Variants in MCTP1 observed in about 807,000 individuals in gnomAD.
The protein encoded by MCTP1 is multiple C2 and transmembrane domain containing 1, also known as multiple C2 and transmembrane domain-containing protein 1.
A neutral mutation model predicts 120.6 loss-of-function variants in MCTP1; 69 were observed. That is an observed-to-expected ratio of 0.57 (90% CI 0.47 to 0.70). The LOEUF (loss-of-function observed/expected upper bound fraction) is 0.70. Ranked by LOEUF, MCTP1 falls within the 30% of genes least tolerant of loss-of-function variation. MCTP1 has a pLI of 0.00. For missense variants in MCTP1, 1,203 were observed against 1,248.8 expected (o/e 0.96, Z 0.55); for synonymous variants, 529 against 493.1 (o/e 1.07, Z -0.96).
chr5:95,280,507 G>C (rs1760228013), intron 1 of MCTP1, among the ~76,000 whole-genome samples: 1 of 152,048 alleles, frequency 6.6e-6, no homozygotes, highest in Non-Finnish European at 1.5e-5. Context: ...ACTCGTCAAG[G>C]CAGAATACAT....
intron 1 of MCTP1, among the ~76,000 whole-genome samples, chr5:95,184,242 A>G (rs773671349): frequency 2.7e-4 from 41 of 152,306 alleles, no homozygotes; most frequent in Non-Finnish European, 5.9e-4. Context: ...CAACTTCTAG[A>G]TATTTGCCCA....
At chr5:95,067,911 T>G (rs1257321531) in intron 1 of MCTP1, among the ~76,000 whole-genome samples, 1 of 152,148 alleles carries the variant, frequency 6.6e-6, no homozygotes, top group East Asian at 1.9e-4. Context: ...AACTGAAAAT[T>G]TGTACTTTTC....
chr5:95,183,390 T>C (rs1748835838), intron 1 of MCTP1, among the ~76,000 whole-genome samples: 1 of 151,206 alleles, frequency 6.6e-6, no homozygotes, highest in Non-Finnish European at 1.5e-5. Flanking sequence ...TAATTTAAAA[T>C]AAATATAATT....
intron 19 of MCTP1, among the ~76,000 whole-genome samples, chr5:94,772,212 T>C (rs1236476966): frequency 1.3e-5 from 2 of 152,174 alleles, no homozygotes; most frequent in African/African-American, 4.8e-5. Flanking sequence ...TTCTTGCCCT[T>C]GTAGACCGCC....
At chr5:95,069,861 G>T (rs1268157473) in intron 1 of MCTP1, among the ~76,000 whole-genome samples, 1 of 151,978 alleles carries the variant, frequency 6.6e-6, no homozygotes, top group African/African-American at 2.4e-5. Flanking sequence ...ACCACGCCCG[G>T]CTATTTTTTT....
At chr5:94,854,883 G>A (rs1405850793) in intron 17 of MCTP1, among the ~76,000 whole-genome samples, 3 of 151,796 alleles carry the variant, frequency 2.0e-5, no homozygotes, top group African/African-American at 4.8e-5. Context: ...AACATAGTCC[G>A]ACTAGGTCTA....
intron 19 of MCTP1, among the ~76,000 whole-genome samples, chr5:94,717,140 T>C (rs975621009): frequency 6.6e-6 from 1 of 152,138 alleles, no homozygotes; most frequent in African/African-American, 2.4e-5. Context: ...CCAAATACAT[T>C]CCATATTAAT....
chr5:95,085,798 TG>T lies in MCTP1; in HGVS notation c.721-68315del, dbSNP rs546422251. Among the ~76,000 whole-genome samples, 188 of 152,206 alleles carry T rather than the reference TG, an allele frequency of 1.2e-3. 2 individuals carry two copies. Among genetic ancestry groups the T allele is most frequent in the Admixed American group, 3.5e-3 (54 of 15,290 alleles). On this transcript the variant is annotated intron_variant, in intron 1 of 22. Coordinates refer to ENST00000515393, the MANE Select transcript of MCTP1 (RefSeq NM_024717.7). ...GAAATACCAAGAGTCTTGATCTTTT[TG>T]TTTTTTGTTTTTGATTGGTATGAAG...
At chr5:94,810,684 A>G (rs1202342457) in intron 17 of MCTP1, among the ~76,000 whole-genome samples, 1 of 152,190 alleles carries the variant, frequency 6.6e-6, no homozygotes, top group Non-Finnish European at 1.5e-5. Context: ...GCTGATGTGC[A>G]GAGTGTTGCA....
chr5:95,282,272 A>T (rs1760385665), intron 1 of MCTP1, among the ~76,000 whole-genome samples: 1 of 152,246 alleles, frequency 6.6e-6, no homozygotes, highest in South Asian at 2.1e-4. Flanking sequence ...AACATAAAAA[A>T]TTCAGAGTTA....
In MCTP1 at chr5:95,144,153, T is replaced by A. The variant is rs573043128; in HGVS notation, c.721-126669A>T. Among the ~76,000 whole-genome samples, 3 of 152,352 alleles carry A rather than the reference T, an allele frequency of 2.0e-5. No individual in the cohort carries two copies. The South Asian group carries it at 6.2e-4, about 32-fold the overall frequency. ...GTGGTTTTGATTTGCATTTCTCTAA[T>A]GATTAGTAATGTTAAGCACTTTTTC... is the stretch of plus-strand genomic sequence containing the variant. On this transcript the variant is annotated intron_variant, in intron 1 of 22. Coordinates refer to ENST00000515393, the MANE Select transcript of MCTP1 (RefSeq NM_024717.7).
chr5:94,912,278 AGCTGGG>A (rs1422367084), intron 9 of MCTP1, among the ~76,000 whole-genome samples: 1 of 151,758 alleles, frequency 6.6e-6, no homozygotes, highest in South Asian at 2.1e-4. Context: ...TACAAAAATT[AGCTGGG>A]CATGGTGGTA....
intron 1 of MCTP1, among the ~76,000 whole-genome samples, chr5:95,173,736 A>G (rs1429984247): frequency 2.6e-5 from 4 of 152,156 alleles, no homozygotes; most frequent in African/African-American, 9.7e-5. Flanking sequence ...ATCATCAGAC[A>G]TTTAGGGAAA....
At chr5:94,777,733 T>A (rs546168756) in intron 19 of MCTP1, among the ~76,000 whole-genome samples, 4 of 152,224 alleles carry the variant, frequency 2.6e-5, no homozygotes, top group African/African-American at 9.6e-5. Flanking sequence ...ATCATATCAT[T>A]TATTGCCAGA....
At chr5:95,114,059 GA>G (rs1202484975) in intron 1 of MCTP1, among the ~76,000 whole-genome samples, 3 of 152,196 alleles carry the variant, frequency 2.0e-5, no homozygotes, top group African/African-American at 7.2e-5. Context: ...CTACAGGCTT[GA>G]AGGGAAGGAG....
chr5:94,972,736 G>A (rs979176616), intron 2 of MCTP1, among the ~76,000 whole-genome samples: 1 of 152,112 alleles, frequency 6.6e-6, no homozygotes, highest in Non-Finnish European at 1.5e-5. Context: ...TTTTCAAATA[G>A]ATTTTCCTTC....
chr5:95,096,150 C>A (rs1301755219), intron 1 of MCTP1, among the ~76,000 whole-genome samples: 1 of 152,200 alleles, frequency 6.6e-6, no homozygotes. Context: ...CACACCAATT[C>A]CACCTGTGCC....
rs1217238938 is a variant in MCTP1 at position 94,705,144 on chromosome 5, A to G, written c.*2352T>C. Reference sequence around the variant, plus strand: ...AGTGACATTCAGTCTCTTAAGAAATATTTACATCACAGATCTCAAAATGAA... The same window carrying G: ...AGTGACATTCAGTCTCTTAAGAAATGTTTACATCACAGATCTCAAAATGAA... On this transcript the variant is annotated 3_prime_UTR_variant, in exon 23 of 23. Transcript: ENST00000515393. 6.6e-6 allele frequency: 1 copy of G among 151,516 alleles called. No homozygotes were observed. The highest frequency in any genetic ancestry group is 1.5e-5 in the Non-Finnish European group (1 of 67,626). The allele number at this position is 151,516 out of a possible 1,614,324, so 9.4% of individuals were successfully genotyped here.
chr5:95,100,682 A>G (rs1031099754), intron 1 of MCTP1, among the ~76,000 whole-genome samples: 2 of 152,120 alleles, frequency 1.3e-5, no homozygotes, highest in South Asian at 4.1e-4. Context: ...CACAGCTGAC[A>G]CCCCTGAGAG....
Sources: gnomAD v4.1 joint callset for allele counts (sites outside exome capture counted in the v4.1 genomes callset) on GRCh38, gnomAD v4.1.1 for gene constraint, MANE v1.5 for transcripts, NCBI Gene and HGNC (gene_info 2026-07-23, HGNC 2026-07-21) for gene names.